Variants in SH3RF2 observed in about 807,000 individuals in gnomAD.
SH3RF2 encodes the protein E3 ubiquitin-protein ligase SH3RF2.
Under a neutral mutation model 59.0 loss-of-function variants are expected in SH3RF2, and 43 were observed. The observed-to-expected ratio is 0.73, with a 90% CI of 0.57 to 0.94. The LOEUF is 0.94. Among genes scored for constraint, SH3RF2 ranks in the 40% least tolerant of loss-of-function variants. SH3RF2 has a pLI of 0.00. For synonymous variants in SH3RF2, 391 were observed against 391.5 expected (o/e 1.00, Z 0.01); for missense variants, 930 against 940.1 (o/e 0.99, Z 0.14).
chr5:145,976,316 T>A (rs2149965645), intron 2 of SH3RF2, among the ~76,000 whole-genome samples: 1 of 152,214 alleles, frequency 6.6e-6, no homozygotes, highest in South Asian at 2.1e-4. Context: ...ACCTGCCTCA[T>A]CAGCTGGTTG....
intron 2 of SH3RF2, chr5:145,997,381 AT>A: frequency 8.2e-7 from 1 of 1,215,162 alleles, no homozygotes; most frequent in Non-Finnish European, 1.2e-6. Flanking sequence ...CAGCCTGGTC[AT>A]TTATAAATGG....
At chr5:146,059,154 C>T (rs2150021603) in intron 8 of SH3RF2, among the ~76,000 whole-genome samples, 1 of 152,292 alleles carries the variant, frequency 6.6e-6, no homozygotes, top group African/African-American at 2.4e-5. Flanking sequence ...CCCAGGCTTT[C>T]CAGGAGGAGG....
chr5:145,938,881 C>T (rs539711293), intron 2 of SH3RF2, among the ~76,000 whole-genome samples: 56 of 152,338 alleles, frequency 3.7e-4, no homozygotes, highest in African/African-American at 1.2e-3. Context: ...TGATTGATAG[C>T]AAAGGCTGGG....
intron 5 of SH3RF2, among the ~76,000 whole-genome samples, chr5:146,039,067 T>C (rs1472790008): frequency 6.6e-6 from 1 of 152,162 alleles, no homozygotes; most frequent in Non-Finnish European, 1.5e-5. Context: ...AAGGGAAGGA[T>C]GAACTATGGT....
chr5:146,000,060 G>A lies in SH3RF2; in HGVS notation c.381G>A (p.Val127=). ...VPNVRIHMDG[V]PRAKALCNYR... is the part of the protein sequence containing the mutation. ...CTTATTGGTCTGTGCCATTGCAGGT[G>A]CCTCGAGCAAAGGCCTTATGCAACT... is the stretch of plus-strand genomic sequence containing the variant. Residue 127 remains valine, a splice_region_variant and synonymous_variant, in exon 3 of 10, where the codon GTG becomes GTA. Coordinates refer to ENST00000359120, the MANE Select transcript of SH3RF2 (RefSeq NM_152550.4). 1.9e-6 allele frequency: 3 copies of A among 1,612,192 alleles called. No homozygotes were observed. The highest frequency in any genetic ancestry group is 1.7e-5 in the Admixed American group (1 of 59,642).
rs573203719 is a variant in SH3RF2, at chr5:146,043,302, T to C, written c.1060-4470T>C. 2.0e-5 allele frequency among the ~76,000 whole-genome samples: 3 copies of C among 152,342 alleles called. No homozygotes were observed. The East Asian group carries it at 5.8e-4, about 29-fold the overall frequency. On this transcript the variant is annotated intron_variant, in intron 5 of 9. Transcript: ENST00000359120. ...CATAGGTTCCCATTCTTGGTTTCTC[T>C]CCTATTCAGGTGGCCCCCTACCATG...
intron 5 of SH3RF2, among the ~76,000 whole-genome samples, chr5:146,047,444 G>T (rs1266333561): frequency 6.6e-6 from 1 of 152,126 alleles, no homozygotes; most frequent in Non-Finnish European, 1.5e-5. Context: ...CATAGAGGGA[G>T]ATGGGTGGGG....
chr5:145,944,752 C>A (rs1229572871), intron 2 of SH3RF2, among the ~76,000 whole-genome samples: 1 of 152,150 alleles, frequency 6.6e-6, no homozygotes, highest in South Asian at 2.1e-4. Flanking sequence ...CACTGACACC[C>A]CTTTCTTCTC....
intron 2 of SH3RF2, among the ~76,000 whole-genome samples, chr5:145,998,589 T>G (rs1251138690): frequency 6.6e-6 from 1 of 152,166 alleles, no homozygotes; most frequent in Non-Finnish European, 1.5e-5. Context: ...ATAAAGCAAG[T>G]CAAACACTTT....
In SH3RF2 at chr5:146,002,484, G is replaced by GGAAGGAAGGAAGGAA. The variant is rs1330916879; in HGVS notation, c.649-1572_649-1558dup. Among the ~76,000 whole-genome samples the GGAAGGAAGGAAGGAA allele has an allele frequency of 1.6e-4, 21 of 134,502 alleles. 1 individual carries two copies. Among genetic ancestry groups the GGAAGGAAGGAAGGAA allele is most frequent in the African/African-American group, 5.7e-4 (20 of 35,238 alleles). The allele number at this position is 134,502 out of a possible 152,430, so 88.2% of individuals were successfully genotyped here. ...AAAAGAAAGAAAAGGAAGGAAGGAA[G>GGAAGGAAGGAAGGAA]GAAGGAAGGAAGGAAGGAAGGAAGG... On this transcript the variant is annotated intron_variant, in intron 3 of 9. Coordinates refer to ENST00000359120, the MANE Select transcript of SH3RF2 (RefSeq NM_152550.4).
intron 5 of SH3RF2, among the ~76,000 whole-genome samples, chr5:146,034,357 C>A (rs1761852892): frequency 6.6e-6 from 1 of 152,122 alleles, no homozygotes; most frequent in African/African-American, 2.4e-5. Context: ...GCACCACAGG[C>A]TGGGACCTCG....
In SH3RF2 at chr5:146,056,018, C is replaced by A. The variant is rs146639397; in HGVS notation, c.1360C>A (p.Leu454Ile). ...TTTTCCAGACTCCCGGAGCCCTGGT[C>A]TCTACACCACATGGACGTTATCCAC... ...SSFPDSRSPG[L>I]YTTWTLSTSS... Residue 454 changes from leucine (L) to isoleucine (I), a missense_variant, in exon 8 of 10, where the codon CTC (leucine) becomes ATC (isoleucine). By Grantham distance (5) the Leu-to-Ile change is conservative. Coordinates refer to ENST00000359120, the MANE Select transcript of SH3RF2 (RefSeq NM_152550.4). The A allele has an allele frequency of 8.1e-6, 13 of 1,614,056 alleles. No individual in the cohort carries two copies. The African/African-American group carries it at 1.7e-4, about 22-fold the overall frequency.
At chr5:145,979,354 C>T (rs1759424600) in intron 2 of SH3RF2, among the ~76,000 whole-genome samples, 1 of 152,306 alleles carries the variant, frequency 6.6e-6, no homozygotes, top group South Asian at 2.1e-4. Flanking sequence ...TGTTAAACAG[C>T]CTTTCCAGGA....
chr5:145,988,975 G>A (rs896047695), intron 2 of SH3RF2, among the ~76,000 whole-genome samples: 20 of 152,148 alleles, frequency 1.3e-4, no homozygotes, highest in African/African-American at 4.6e-4. Flanking sequence ...CAGTGGCTTC[G>A]TTGGTTAAGC....
rs139468138 is a variant in SH3RF2 at position 146,062,586 on chromosome 5, G to A, written c.2075G>A (p.Arg692Gln). 80 of 1,614,148 alleles carry A rather than the reference G, an allele frequency of 5.0e-5. No homozygotes were observed. The highest frequency in any genetic ancestry group is 4.5e-4 in the African/African-American group (34 of 75,044). ...GPEMTVLFAH[R>Q]SGCHSGQQTD... ...GAGATGACCGTCCTATTTGCCCACCGAAGTGGCTGCCACTCCGGACAGCAG... is the reference window on the plus strand; with the variant it reads ...GAGATGACCGTCCTATTTGCCCACCAAAGTGGCTGCCACTCCGGACAGCAG... The change falls in exon 10 of 10, where the codon CGA (arginine) becomes CAA (glutamine). Residue 692 changes from arginine (R) to glutamine (Q), a missense_variant. Physicochemically the swap from Arg to Gln is conservative, Grantham distance 43 (BLOSUM62 1). Coordinates refer to ENST00000359120, the MANE Select transcript of SH3RF2 (RefSeq NM_152550.4).
At chr5:145,973,923 CACAA>C (rs1476407763) in intron 2 of SH3RF2, among the ~76,000 whole-genome samples, 2 of 152,138 alleles carry the variant, frequency 1.3e-5, no homozygotes, top group Non-Finnish European at 2.9e-5. Flanking sequence ...AACAAATCAT[CACAA>C]ATTTAGAGGC....
At chr5:146,019,855 AT>A (rs1170207291) in intron 5 of SH3RF2, among the ~76,000 whole-genome samples, 19 of 152,022 alleles carry the variant, frequency 1.2e-4, no homozygotes, top group Non-Finnish European at 1.9e-4. Context: ...TTTTTAAATT[AT>A]TTTTTTAATA....
chr5:146,060,459 T>G (rs73313915), intron 9 of SH3RF2, among the ~76,000 whole-genome samples: 2,093 of 152,192 alleles, frequency 0.014, 30 homozygotes, highest in Middle Eastern at 0.048. Context: ...TCCTGAATAT[T>G]TTATACATCT....
intron 5 of SH3RF2, among the ~76,000 whole-genome samples, chr5:146,024,831 T>G (rs1340647987): frequency 6.6e-6 from 1 of 152,176 alleles, no homozygotes; most frequent in African/African-American, 2.4e-5. Context: ...TTTGTTATAT[T>G]TACACTCATG....
Sources: allele counts gnomAD v4.1 joint callset (sites outside exome capture counted in the v4.1 genomes callset), GRCh38; gene constraint gnomAD v4.1.1; transcripts MANE v1.5; gene names NCBI Gene and HGNC (gene_info 2026-07-23, HGNC 2026-07-21).